Variants in GNE observed in about 807,000 individuals in gnomAD.
The protein encoded by GNE is bifunctional UDP-N-acetylglucosamine 2-epimerase/N-acetylmannosamine kinase.
A neutral mutation model predicts 61.8 loss-of-function variants in GNE; 41 were observed. The observed-to-expected ratio is 0.66, with a 90% CI of 0.52 to 0.86. The LOEUF is 0.86. Ranked by LOEUF, GNE falls within the 40% of genes least tolerant of loss-of-function variation. GNE has a pLI of 0.00. For synonymous variants in GNE, 264 were observed against 326.4 expected, an observed-to-expected ratio of 0.81 and a Z score of 2.06; for missense variants, 608 against 909.1, an observed-to-expected ratio of 0.67 and a Z score of 4.26.
chr9:36,256,013 C>G (rs1034546244), intron 1 of GNE, among the ~76,000 whole-genome samples: 2 of 151,310 alleles, frequency 1.3e-5, no homozygotes, highest in Non-Finnish European at 2.9e-5. Flanking sequence ...CAACCTCCAC[C>G]TCCCAGGTTG....
At chr9:36,271,244 T>G (rs1334917749) in intron 1 of GNE, among the ~76,000 whole-genome samples, 1 of 152,226 alleles carries the variant, frequency 6.6e-6, no homozygotes, top group Non-Finnish European at 1.5e-5. Context: ...CTCTTCCTTG[T>G]CTGCTGCTTA....
At chr9:36,260,786 G>A (rs10972812), upstream of GNE, among the ~76,000 whole-genome samples, 6,164 of 146,360 alleles carry the variant, frequency 0.042, 418 homozygotes, top group African/African-American at 0.14. Flanking sequence ...GGAGAATGGC[G>A]TGAACCTGGG....
chr9:36,217,693 T>C, intron 11 of GNE, 93 bp from the exon 12 acceptor site: 1 of 781,718 alleles, frequency 1.3e-6, no homozygotes, highest in Admixed American at 2.0e-5. Context: ...AGCAGAAATG[T>C]TAAAGAACAT....
intron 1 of GNE, chr9:36,267,962 C>T (rs1490183015): frequency 6.6e-6 from 1 of 152,072 alleles, no homozygotes; most frequent in Non-Finnish European, 1.5e-5. Context: ...TGGCAAGACC[C>T]TGTCTCTACA....
chr9:36,223,496 T>C lies in GNE; in HGVS notation c.1288A>G (p.Ile430Val). ...TTGAACTGAGTATACTTCTTAACTA[T>C]TTCACCCTAAAAGAGAAAACAACAA... ...RVAIVSMKGEIVKKYTQFNPK... is the reference protein window; with the variant it reads ...RVAIVSMKGEVVKKYTQFNPK... The change falls in exon 8 of 12, where the codon ATA becomes GTA. Residue 430 changes from isoleucine (I) to valine (V), a missense_variant. Physicochemically the swap from Ile to Val is conservative, Grantham distance 29. Transcript: ENST00000642385. 1 of 1,610,222 alleles carries C rather than the reference T, an allele frequency of 6.2e-7. No homozygotes were observed. The highest frequency in any genetic ancestry group is 8.5e-7 in the Non-Finnish European group (1 of 1,177,506).
chr9:36,242,732 G>GTTTTTTTT (rs34441447), intron 3 of GNE, among the ~76,000 whole-genome samples: 1 of 95,992 alleles, frequency 1.0e-5, no homozygotes, highest in African/African-American at 4.4e-5. Context: ...TTTTATGCTT[G>GTTTTTTTT]TTTTTTTTTT....
chr9:36,260,729 C>T (rs549111044), upstream of GNE, among the ~76,000 whole-genome samples: 182 of 151,646 alleles, frequency 1.2e-3, 2 homozygotes, highest in Non-Finnish European at 2.4e-3. Context: ...ATTAGCCGGG[C>T]GTGGTGGCGG....
chr9:36,235,990 A>G (rs967323201), intron 4 of GNE, among the ~76,000 whole-genome samples: 21 of 152,212 alleles, frequency 1.4e-4, no homozygotes, highest in African/African-American at 4.6e-4. Flanking sequence ...ACCAAAATCT[A>G]TAGTACCATC....
intron 3 of GNE, among the ~76,000 whole-genome samples, chr9:36,243,800 G>A (rs1426862525): frequency 6.6e-6 from 1 of 152,124 alleles, no homozygotes; most frequent in Non-Finnish European, 1.5e-5. Flanking sequence ...CTGCACTCCA[G>A]ACTGAACAAC....
rs1241049854 is a variant in GNE, at chr9:36,215,789, C to T, written c.*1576G>A. 2 of 152,334 alleles carry T rather than the reference C, an allele frequency of 1.3e-5. No individual in the cohort carries two copies. The highest frequency in any genetic ancestry group is 2.1e-4 in the South Asian group (1 of 4,826). The allele number at this position is 152,334 out of a possible 1,614,324, so 9.4% of individuals were successfully genotyped here. On this transcript the variant is annotated 3_prime_UTR_variant, in exon 12 of 12. Transcript: ENST00000642385. Reference sequence around the variant, plus strand: ...TTGTATTTTGACACCAATGAAAACACGAATCATGTAGACAGAATCCTGATT... The same window carrying T: ...TTGTATTTTGACACCAATGAAAACATGAATCATGTAGACAGAATCCTGATT...
intron 9 of GNE, among the ~76,000 whole-genome samples, chr9:36,222,344 A>G (rs900663440): frequency 4.7e-5 from 7 of 148,080 alleles, no homozygotes; most frequent in East Asian, 2.0e-4. Flanking sequence ...GCGTGAACCC[A>G]GGAGGCGGAG....
upstream of GNE, among the ~76,000 whole-genome samples, chr9:36,262,422 T>TCTCTTTG (rs1830642044): frequency 1.3e-5 from 2 of 152,186 alleles, no homozygotes; most frequent in African/African-American, 2.4e-5. Flanking sequence ...CTTGGCTTTT[T>TCTCTTTG]GAGATCACTT....
rs1279384333 is a variant in GNE, at chr9:36,222,876, C to A, written c.1534G>T (p.Val512Leu). The A allele has an allele frequency of 6.2e-7, 1 of 1,614,156 alleles. No homozygotes were observed. Among genetic ancestry groups the A allele is most frequent in the South Asian group, 1.1e-5 (1 of 91,084 alleles). The change falls in exon 9 of 12, where the codon GTG (valine) becomes TTG (leucine). Residue 512 changes from valine to leucine, a missense_variant. Coordinates refer to ENST00000642385, the MANE Select transcript of GNE (RefSeq NM_005476.7). Reference sequence around the variant, plus strand: ...CAGTTGCCATCATTGTCTACCCACACAGGGAGATGCAAAGTGTCAGAAAGG... The same window carrying A: ...CAGTTGCCATCATTGTCTACCCACAAAGGGAGATGCAAAGTGTCAGAAAGG... ...TPLSDTLHLPVWVDNDGNCAA... is the reference protein window; with the variant it reads ...TPLSDTLHLPLWVDNDGNCAA...
intron 5 of GNE, among the ~76,000 whole-genome samples, chr9:36,231,904 A>G (rs1357158873): frequency 1.3e-5 from 2 of 152,172 alleles, no homozygotes; most frequent in African/African-American, 2.4e-5. Context: ...CAAACTTCAC[A>G]TAGCTATAAG....
intron 6 of GNE, 44 bp from the exon 7 acceptor site, chr9:36,227,502 A>G (rs992940876): frequency 8.3e-7 from 1 of 1,199,528 alleles, no homozygotes; most frequent in Non-Finnish European, 1.2e-6. Flanking sequence ...CTTCTGCCAT[A>G]CATGTTAAGT....
At chr9:36,272,037 C>T (rs1831048160) in intron 1 of GNE, among the ~76,000 whole-genome samples, 1 of 152,180 alleles carries the variant, frequency 6.6e-6, no homozygotes, top group South Asian at 2.1e-4. Flanking sequence ...ACCGGTCATC[C>T]TCCACCATCT....
At position 36,217,413 on chromosome 9, in the gene GNE, C is replaced by G; in HGVS notation, c.2121G>C (p.Leu707=). 1 of 1,614,106 alleles carries G rather than the reference C, an allele frequency of 6.2e-7. No homozygotes were observed. The highest frequency in any genetic ancestry group is 1.3e-5 in the African/African-American group (1 of 75,020). Residue 707 remains leucine, a synonymous_variant, in exon 12 of 12, where the codon CTG becomes CTC. Transcript: ENST00000642385. The part of the protein sequence containing the change: ...VVSDLVDPAL[L]GAASMVLDYT... ...AGTCCAGAACCATGCTGGCAGCACC[C>G]AGCAGGGCGGGGTCAACCAAATCCG...
At chr9:36,268,409 T>C (rs1374007873) in intron 1 of GNE, among the ~76,000 whole-genome samples, 3 of 152,196 alleles carry the variant, frequency 2.0e-5, no homozygotes, top group Non-Finnish European at 4.4e-5. Context: ...TTCATACCTA[T>C]AATCCTAGCA....
chr9:36,217,960 A>G (rs546437755), intron 11 of GNE, among the ~76,000 whole-genome samples: 3 of 152,362 alleles, frequency 2.0e-5, no homozygotes, highest in Non-Finnish European at 4.4e-5. Context: ...GAGCATTTTT[A>G]TAGTTGTCAA....
Sources: gnomAD v4.1 joint callset for allele counts (sites outside exome capture counted in the v4.1 genomes callset) on GRCh38, gnomAD v4.1.1 for gene constraint, MANE v1.5 for transcripts, NCBI Gene and HGNC (gene_info 2026-07-23, HGNC 2026-07-21) for gene names.